MEF2C: variants seen among roughly 807,000 people sequenced by gnomAD.
MEF2C encodes myocyte enhancer factor 2C, also known as myocyte-specific enhancer factor 2C.
In MEF2C, 6 loss-of-function variants were observed where a neutral mutation model predicts 50.5. The ratio of observed to expected loss-of-function variants is 0.12; its 90% CI spans 0.07 to 0.23. The LOEUF (loss-of-function observed/expected upper bound fraction) is 0.23, where lower values mean the gene tolerates loss of function less well. Among genes scored for constraint, MEF2C ranks in the 10% least tolerant of loss-of-function variants. MEF2C has a pLI of 1.00. For missense variants in MEF2C, 276 were observed against 605.0 expected (o/e 0.46, Z 5.70); for synonymous variants, 183 against 228.0 (o/e 0.80, Z 1.78).
At chr5:88,830,351 G>T (rs1054251249) in intron 1 of MEF2C, among the ~76,000 whole-genome samples, 12 of 151,902 alleles carry the variant, frequency 7.9e-5, no homozygotes, top group Non-Finnish European at 1.2e-4. Context: ...AAAGGAACTC[G>T]TTTTCTTAAC....
intron 3 of MEF2C, chr5:88,770,007 T>C (rs1413757857): frequency 2.0e-6 from 2 of 985,142 alleles, no homozygotes; most frequent in African/African-American, 1.7e-5. Context: ...AAGAATCAAG[T>C]TGTAGGTTGT....
intron 2 of MEF2C, among the ~76,000 whole-genome samples, chr5:88,816,169 T>C (rs2153173278): frequency 1.3e-5 from 2 of 152,178 alleles, no homozygotes; most frequent in Non-Finnish European, 2.9e-5. Context: ...TTCTTTTCCT[T>C]ATGAAAATGT....
At chr5:88,897,520 A>G (rs1835237440) in intron 1 of MEF2C, among the ~76,000 whole-genome samples, 1 of 152,242 alleles carries the variant, frequency 6.6e-6, no homozygotes, top group South Asian at 2.1e-4. Flanking sequence ...TATTGTTTGA[A>G]TGACTGTCCT....
At chr5:88,760,097 A>G (rs930254131) in intron 4 of MEF2C, among the ~76,000 whole-genome samples, 1 of 152,268 alleles carries the variant, frequency 6.6e-6, no homozygotes, top group Non-Finnish European at 1.5e-5. Context: ...GTATACAATT[A>G]AGGTTCAGAC....
At chr5:88,850,172 G>A (rs1293309439) in intron 1 of MEF2C, among the ~76,000 whole-genome samples, 1 of 151,526 alleles carries the variant, frequency 6.6e-6, no homozygotes, top group Admixed American at 6.6e-5. Flanking sequence ...CCCTATGAGT[G>A]AGAACATGCA....
At chr5:88,732,296 G>C (rs772574219) in intron 6 of MEF2C, among the ~76,000 whole-genome samples, 4 of 152,140 alleles carry the variant, frequency 2.6e-5, no homozygotes, top group Non-Finnish European at 4.4e-5. Context: ...TCACTGGTTT[G>C]GGTTTTATTT....
At position 88,788,178 on chromosome 5, in the gene MEF2C, G is replaced by A. The variant is rs200878089; in HGVS notation, c.258+16420C>T. 5.2e-3 allele frequency among the ~76,000 whole-genome samples: 467 copies of A among 89,200 alleles called. 2 individuals carry two copies. The highest frequency in any genetic ancestry group is 0.014 in the African/African-American group (421 of 31,096). The allele number at this position is 89,200 out of a possible 152,430, so 58.5% of individuals were successfully genotyped here. On this transcript the variant is annotated intron_variant, in intron 3 of 10. Coordinates refer to ENST00000504921, the MANE Select transcript of MEF2C (RefSeq NM_002397.5). The stretch of plus-strand genomic sequence containing the variant: ...AACCATCATGCCAGTTTGTTTGTTT[G>A]TTTATTTATTTATTTATTTATTTAT...
rs1755746608 is a variant in MEF2C at position 88,719,994 on chromosome 5, G to A, written c.*2610C>T. 6.6e-6 allele frequency: 1 copy of A among 152,134 alleles called. No homozygotes were observed. The highest frequency in any genetic ancestry group is 1.5e-5 in the Non-Finnish European group (1 of 68,014). The allele number at this position is 152,134 out of a possible 1,614,324, so 9.4% of individuals were successfully genotyped here. On this transcript the variant is annotated 3_prime_UTR_variant, in exon 11 of 11. Coordinates refer to ENST00000504921, the MANE Select transcript of MEF2C (RefSeq NM_002397.5). ...TTCTTTGTTGCTGAGGCAAATTGCA[G>A]GTTAAAAAACTAATATGGCTATTTC...
chr5:88,895,051 C>T (rs935204014), intron 1 of MEF2C, among the ~76,000 whole-genome samples: 4 of 152,098 alleles, frequency 2.6e-5, no homozygotes, highest in African/African-American at 9.7e-5. Flanking sequence ...CACTTAGTGC[C>T]TCGCATATAG....
chr5:88,760,874 G>A, intron 4 of MEF2C: 1 of 1,152,076 alleles, frequency 8.7e-7, no homozygotes, highest in East Asian at 2.4e-5. Context: ...GGATGAGATG[G>A]CTATTTATCT....
chr5:88,880,086 C>T (rs866176300), intron 1 of MEF2C, among the ~76,000 whole-genome samples: 3 of 151,824 alleles, frequency 2.0e-5, no homozygotes, highest in South Asian at 2.1e-4. Flanking sequence ...GTGCTAAGGA[C>T]GGGGATCTTA....
At chr5:88,859,818 G>A (rs1339495395) in intron 1 of MEF2C, among the ~76,000 whole-genome samples, 1 of 152,144 alleles carries the variant, frequency 6.6e-6, no homozygotes, top group African/African-American at 2.4e-5. Flanking sequence ...TTTCTTGTGG[G>A]AGTCAATTCA....
At chr5:88,752,514 G>A in intron 4 of MEF2C, 1 of 718,978 alleles carries the variant, frequency 1.4e-6, no homozygotes, top group East Asian at 1.3e-4. Flanking sequence ...CATGTGCATA[G>A]CACATATACC....
intron 6 of MEF2C, chr5:88,746,469 T>A: frequency 3.1e-6 from 3 of 964,504 alleles, no homozygotes; most frequent in Non-Finnish European, 3.7e-6. Context: ...CAAAGTGAGA[T>A]GACTTGATTT....
chr5:88,737,044 T>TACTAG, intron 6 of MEF2C: 7 of 985,298 alleles, frequency 7.1e-6, no homozygotes, highest in Non-Finnish European at 7.2e-6. Flanking sequence ...TCTTTATATG[T>TACTAG]TTCAGGTGCT....
intron 6 of MEF2C, chr5:88,741,171 T>A: frequency 1.0e-6 from 1 of 985,420 alleles, no homozygotes; most frequent in African/African-American, 1.7e-5. Flanking sequence ...CCTACTGGTG[T>A]GCTCCCTTCA....
intron 3 of MEF2C, among the ~76,000 whole-genome samples, chr5:88,797,754 A>AT (rs1187689782): frequency 5.9e-5 from 9 of 152,162 alleles, no homozygotes; most frequent in African/African-American, 1.7e-4. Context: ...GGTCTTTACA[A>AT]TTTGATATGT....
intron 3 of MEF2C, among the ~76,000 whole-genome samples, chr5:88,784,355 C>G (rs957268531): frequency 4.6e-5 from 7 of 152,056 alleles, no homozygotes; most frequent in Admixed American, 2.0e-4. Context: ...TTTACTGTAA[C>G]AAAATTTTTT....
At chr5:88,817,458 A>C (rs538571048) in intron 2 of MEF2C, among the ~76,000 whole-genome samples, 5 of 152,092 alleles carry the variant, frequency 3.3e-5, no homozygotes, top group African/African-American at 1.2e-4. Flanking sequence ...TATATAATTT[A>C]TAATTCATAT....
Sources: allele counts gnomAD v4.1 joint callset (sites outside exome capture counted in the v4.1 genomes callset), GRCh38; gene constraint gnomAD v4.1.1; transcripts MANE v1.5; gene names NCBI Gene and HGNC (gene_info 2026-07-23, HGNC 2026-07-21).